SERINC5: variants seen among roughly 807,000 people sequenced by gnomAD.
SERINC5 encodes the protein chromosome 5 open reading frame 12.
SERINC5 carries 41 observed loss-of-function variants against 63.1 expected under a neutral mutation model. That is an observed-to-expected ratio of 0.65 (90% CI 0.51 to 0.84). The LOEUF (loss-of-function observed/expected upper bound fraction) is 0.84, where lower values mean the gene tolerates loss of function less well. Among genes scored for constraint, SERINC5 ranks in the 40% least tolerant of loss-of-function variants. The pLI is 0.00. For missense variants in SERINC5, 523 were observed against 573.0 expected, an observed-to-expected ratio of 0.91 and a Z score of 0.89; for synonymous variants, 222 against 215.2, an observed-to-expected ratio of 1.03 and a Z score of -0.28.
At chr5:80,247,440 A>T (rs1409139923) in intron 1 of SERINC5, among the ~76,000 whole-genome samples, 1 of 152,192 alleles carries the variant, frequency 6.6e-6, no homozygotes, top group Non-Finnish European at 1.5e-5. Flanking sequence ...GATGAGTCAG[A>T]GGCTGCCTTC....
At chr5:80,221,792 C>CAAAAAAAA (rs34503587) in intron 1 of SERINC5, among the ~76,000 whole-genome samples, 1 of 137,294 alleles carries the variant, frequency 7.3e-6, no homozygotes. Context: ...ACAACTTTAG[C>CAAAAAAAA]AAAAAAAAAA....
At chr5:80,201,388 C>T (rs1325664313) in intron 2 of SERINC5, among the ~76,000 whole-genome samples, 3 of 152,204 alleles carry the variant, frequency 2.0e-5, no homozygotes, top group Non-Finnish European at 2.9e-5. Context: ...ACGCCTGCTG[C>T]TCTCTCTTCC....
At chr5:80,122,017 G>A (rs1459000921) in intron 11 of SERINC5, among the ~76,000 whole-genome samples, 2 of 151,844 alleles carry the variant, frequency 1.3e-5, no homozygotes, top group Non-Finnish European at 2.9e-5. Flanking sequence ...TATCAGTCAG[G>A]AAATGTTCAC....
At chr5:80,137,562 G>C (rs1580045235), downstream of SERINC5, among the ~76,000 whole-genome samples, 3 of 145,738 alleles carry the variant, frequency 2.1e-5, no homozygotes, top group East Asian at 6.2e-4. Context: ...AAATTGCCTT[G>C]AACCTGGGAG....
intron 11 of SERINC5, among the ~76,000 whole-genome samples, chr5:80,123,194 C>T (rs112852913): frequency 0.027 from 4,040 of 152,276 alleles, 159 homozygotes; most frequent in African/African-American, 0.091. Flanking sequence ...ATCGTGGGCT[C>T]AAGCAGTTCT....
rs1195426387 is a variant in SERINC5, at chr5:80,173,284, AAT to A, written c.551+1668_551+1669del. Among the ~76,000 whole-genome samples, 14 of 151,364 alleles carry A rather than the reference AAT, an allele frequency of 9.2e-5. No individual in the cohort carries two copies. In the East Asian group the frequency reaches 2.8e-3, roughly 30 times the overall value. On this transcript the variant is annotated intron_variant, in intron 5 of 11. Coordinates refer to ENST00000507668, the MANE Select transcript of SERINC5 (RefSeq NM_001174072.3). ...AAGGAAGGAAGGAAGGAAGGAAGAA[AAT>A]GAAATGAAATGAAATGAAAAGAAAA...
intron 7 of SERINC5, among the ~76,000 whole-genome samples, chr5:80,163,074 C>G (rs759826722): frequency 2.4e-4 from 36 of 152,016 alleles, no homozygotes; most frequent in Non-Finnish European, 1.5e-5. Flanking sequence ...AAGCTGGTCT[C>G]AAGCTCCCGA....
At chr5:80,197,391 T>A (rs1245523447) in intron 2 of SERINC5, among the ~76,000 whole-genome samples, 1 of 129,770 alleles carries the variant, frequency 7.7e-6, no homozygotes, top group African/African-American at 2.9e-5. Context: ...GGGCTATATA[T>A]TGTATGATTC....
chr5:80,189,023 TCTCA>T (rs1749012838), intron 2 of SERINC5, among the ~76,000 whole-genome samples: 1 of 152,204 alleles, frequency 6.6e-6, no homozygotes, highest in South Asian at 2.1e-4. Flanking sequence ...TCTGATTTTT[TCTCA>T]CTATTATAAA....
chr5:80,169,010 T>A (rs1019299983), intron 6 of SERINC5, among the ~76,000 whole-genome samples: 2 of 152,236 alleles, frequency 1.3e-5, no homozygotes, highest in South Asian at 4.1e-4. Flanking sequence ...GGCAAGCTCA[T>A]AAACACCTGA....
chr5:80,236,425 C>T (rs17200856), intron 1 of SERINC5, among the ~76,000 whole-genome samples: 23,104 of 152,110 alleles, frequency 0.15, 1,947 homozygotes, highest in Admixed American at 0.19. Context: ...ACAAAAAAGC[C>T]TAAAAAATCC....
chr5:80,152,279 T>A (rs566187360), intron 8 of SERINC5, among the ~76,000 whole-genome samples: 1 of 152,216 alleles, frequency 6.6e-6, no homozygotes, highest in African/African-American at 2.4e-5. Flanking sequence ...GGCAGGTAGA[T>A]CGCTTGAGCC....
chr5:80,235,440 C>T (rs1237174173), intron 1 of SERINC5, among the ~76,000 whole-genome samples: 1 of 152,152 alleles, frequency 6.6e-6, no homozygotes, highest in Non-Finnish European at 1.5e-5. Context: ...AACTGCTAGA[C>T]CCAAGAACAT....
At chr5:80,253,313 T>C (rs755716141) in intron 1 of SERINC5, among the ~76,000 whole-genome samples, 29 of 152,316 alleles carry the variant, frequency 1.9e-4, no homozygotes, top group Non-Finnish European at 3.7e-4. Flanking sequence ...CAGGAAAGGA[T>C]TTTTGTTCAC....
chr5:80,177,853 G>A (rs571269359), intron 3 of SERINC5, 33 bp downstream of exon 3: 2 of 1,547,036 alleles, frequency 1.3e-6, no homozygotes, highest in East Asian at 2.3e-5. Flanking sequence ...TAAGAAAGGA[G>A]AAAGCAATCC....
intron 1 of SERINC5, among the ~76,000 whole-genome samples, chr5:80,205,552 T>C (rs577642791): frequency 1.3e-5 from 2 of 152,310 alleles, no homozygotes; most frequent in East Asian, 3.9e-4. Flanking sequence ...ATGTCCCAAA[T>C]GGTAAGCTTT....
intron 1 of SERINC5, among the ~76,000 whole-genome samples, chr5:80,214,581 A>T (rs1457959728): frequency 6.6e-6 from 1 of 152,098 alleles, no homozygotes; most frequent in Non-Finnish European, 1.5e-5. Context: ...CGAACAAAAA[A>T]ACACCTCCTG....
At chr5:80,232,152 C>T (rs1236413087) in intron 1 of SERINC5, among the ~76,000 whole-genome samples, 2 of 150,900 alleles carry the variant, frequency 1.3e-5, no homozygotes, top group Non-Finnish European at 2.9e-5. Flanking sequence ...CGCCTGTAAT[C>T]CCAGCATTTT....
chr5:80,252,802 C>G (rs1397708889), intron 1 of SERINC5, among the ~76,000 whole-genome samples: 3 of 152,144 alleles, frequency 2.0e-5, no homozygotes, highest in African/African-American at 7.2e-5. Context: ...CCAGTCACAC[C>G]AGTCCTCATT....
Sources: allele counts gnomAD v4.1 joint callset (sites outside exome capture counted in the v4.1 genomes callset), GRCh38; gene constraint gnomAD v4.1.1; transcripts MANE v1.5; gene names NCBI Gene and HGNC (gene_info 2026-07-23, HGNC 2026-07-21).